Variants in CTPS2 observed in about 807,000 individuals in gnomAD.
CTPS2 encodes the protein CTP synthase II.
Under a neutral mutation model 46.8 loss-of-function variants are expected in CTPS2, and 19 were observed. That is an observed-to-expected ratio of 0.41 (90% CI 0.28 to 0.60). The LOEUF (loss-of-function observed/expected upper bound fraction) is 0.60, where lower values mean the gene tolerates loss of function less well. Ranked by LOEUF, CTPS2 falls within the 20% of genes least tolerant of loss-of-function variation. The pLI, the probability that CTPS2 is intolerant of heterozygous loss-of-function variation, is 0.35. For synonymous variants in CTPS2, 151 were observed against 165.2 expected, an observed-to-expected ratio of 0.91 and a Z score of 0.66; for missense variants, 286 against 447.6, an observed-to-expected ratio of 0.64 and a Z score of 3.26.
chrX:16,682,282 C>T (rs979242822), intron 9 of CTPS2, among the ~76,000 whole-genome samples: 4 of 111,746 alleles, frequency 3.6e-5, no homozygotes, highest in Non-Finnish European at 7.5e-5. Context: ...ATCAGGAGTT[C>T]GAGACCAGCC....
chrX:16,688,951 T>C (rs1168822543), intron 8 of CTPS2, among the ~76,000 whole-genome samples: 1 of 108,796 alleles, frequency 9.2e-6, no homozygotes, highest in African/African-American at 3.3e-5. Context: ...AAATATATAT[T>C]AGCCGGGTGT....
intron 1 of CTPS2, among the ~76,000 whole-genome samples, chrX:16,707,444 G>A (rs1485679388): frequency 8.9e-6 from 1 of 112,136 alleles, no homozygotes; most frequent in South Asian, 3.7e-4. Flanking sequence ...GCTGAGGTGG[G>A]AGGATCTCTT....
chrX:16,593,284 C>G (rs181253216), intron 17 of CTPS2, among the ~76,000 whole-genome samples: 5 of 109,884 alleles, frequency 4.6e-5, no homozygotes, highest in Admixed American at 9.7e-5. Flanking sequence ...AAAAAATTAG[C>G]CGGGTGTGGT....
At chrX:16,689,392 G>T in intron 8 of CTPS2, 58 bp downstream of exon 8, 2 of 1,146,552 alleles carry the variant, frequency 1.7e-6, no homozygotes, top group Non-Finnish European at 2.4e-6. Context: ...GTAGGTCTTA[G>T]TTCTACCCCC....
intron 8 of CTPS2, among the ~76,000 whole-genome samples, chrX:16,687,329 G>T (rs1923280662): frequency 9.2e-6 from 1 of 108,954 alleles, no homozygotes; most frequent in Non-Finnish European, 1.9e-5. Context: ...ACAAAAATTA[G>T]TTGGCCGTGG....
intron 14 of CTPS2, among the ~76,000 whole-genome samples, chrX:16,636,624 T>TA (rs1175115361): frequency 9.0e-6 from 1 of 111,541 alleles, no homozygotes; most frequent in East Asian, 2.8e-4. Context: ...GTGAATGCAC[T>TA]AAAAAAATCA....
intron 13 of CTPS2, among the ~76,000 whole-genome samples, chrX:16,659,184 C>T (rs368960045): frequency 1.3e-4 from 15 of 111,604 alleles, no homozygotes; most frequent in East Asian, 5.6e-4. Flanking sequence ...ATTAGCCCCT[C>T]GCAGAGTTAA....
At chrX:16,632,806 G>A (rs758792140) in intron 14 of CTPS2, among the ~76,000 whole-genome samples, 2 of 111,298 alleles carry the variant, frequency 1.8e-5, no homozygotes, top group African/African-American at 3.3e-5. Context: ...AGAAAATAAC[G>A]TGGGAAGAGT....
chrX:16,711,503 G>A (rs1038779538), intron 1 of CTPS2: 72 of 111,112 alleles, frequency 6.5e-4, no homozygotes, highest in African/African-American at 2.3e-3. Flanking sequence ...AGACACAAAA[G>A]AGTACTTACC....
intron 17 of CTPS2, among the ~76,000 whole-genome samples, chrX:16,604,223 T>C (rs1351695059): frequency 8.9e-6 from 1 of 111,747 alleles, no homozygotes; most frequent in Non-Finnish European, 1.9e-5. Context: ...GTTCCAAAAC[T>C]AGAATAAAAT....
chrX:16,683,193 G>A lies in CTPS2; in HGVS notation c.906C>T (p.Ala302=). 1.7e-6 allele frequency: 2 copies of A among 1,210,044 alleles called. No individual in the cohort carries two copies. The highest frequency in any genetic ancestry group is 2.2e-6 in the Non-Finnish European group (2 of 894,110). The change falls in exon 9 of 19, where the codon GCC becomes GCT. Residue 302 remains alanine (A), a synonymous_variant. Coordinates refer to ENST00000359276, the MANE Select transcript of CTPS2 (RefSeq NM_175859.3). ...TGAGCTTGGTGTATTTGCCAACCAG[G>A]GCTATGGAGCATATTTTCTGTAACC... ...YERLQKICSI[A]LVGKYTKLRD...
chrX:16,610,664 C>T (rs138193180), intron 16 of CTPS2, among the ~76,000 whole-genome samples: 106 of 112,238 alleles, frequency 9.4e-4, no homozygotes, highest in African/African-American at 3.2e-3. Flanking sequence ...CCAGAATTAC[C>T]ATTCAACTCA....
chrX:16,640,176 G>A (rs892871312), intron 13 of CTPS2, among the ~76,000 whole-genome samples: 11 of 111,432 alleles, frequency 9.9e-5, no homozygotes, highest in African/African-American at 2.9e-4. Context: ...CAGCCTAACC[G>A]TCCAGCCTTA....
At chrX:16,651,190 G>A in intron 13 of CTPS2, 1 of 951,599 alleles carries the variant, frequency 1.1e-6, no homozygotes, top group Non-Finnish European at 1.5e-6. Context: ...TGGTGGGAGG[G>A]GAGGGAGGGA....
intron 7 of CTPS2, among the ~76,000 whole-genome samples, chrX:16,691,033 G>A (rs774542987): frequency 3.6e-5 from 4 of 112,660 alleles, no homozygotes; most frequent in Non-Finnish European, 5.6e-5. Context: ...CACCCACCCT[G>A]GTACTGGGCA....
At chrX:16,663,991 A>T (rs977812149) in intron 13 of CTPS2, among the ~76,000 whole-genome samples, 3 of 110,474 alleles carry the variant, frequency 2.7e-5, no homozygotes, top group African/African-American at 3.3e-5. Context: ...GCGTGCCACC[A>T]CGCCCAGCTA....
intron 13 of CTPS2, chrX:16,650,863 C>T (rs1225500007): frequency 9.5e-6 from 5 of 524,599 alleles, no homozygotes; most frequent in African/African-American, 2.4e-5. Context: ...ATTCCGACCC[C>T]GACATTCTCT....
At chrX:16,707,719 T>A (rs1166329731) in intron 1 of CTPS2, among the ~76,000 whole-genome samples, 2 of 112,062 alleles carry the variant, frequency 1.8e-5, no homozygotes, top group African/African-American at 6.5e-5. Flanking sequence ...ATGCCTGTAA[T>A]CTCAGCACTT....
intron 1 of CTPS2, chrX:16,712,092 C>T (rs1271588450): frequency 9.0e-6 from 1 of 111,551 alleles, no homozygotes; most frequent in Non-Finnish European, 1.9e-5. Context: ...CCGCACTGGG[C>T]ACGGGCCAGC....
Sources: allele counts gnomAD v4.1 joint callset (sites outside exome capture counted in the v4.1 genomes callset), GRCh38; gene constraint gnomAD v4.1.1; transcripts MANE v1.5; gene names NCBI Gene and HGNC (gene_info 2026-07-23, HGNC 2026-07-21).